The following RAD51B variants were observed in gnomAD, a reference collection of about 807,000 sequenced individuals.
RAD51B encodes the protein DNA repair protein RAD51 homolog 2.
A neutral mutation model predicts 42.2 loss-of-function variants in RAD51B; 38 were observed. The ratio of observed to expected loss-of-function variants is 0.90; its 90% confidence interval spans 0.70 to 1.18. RAD51B has a LOEUF of 1.18. Among genes scored for constraint, RAD51B ranks in the 50% most tolerant of loss-of-function variants. The probability of loss-of-function intolerance (pLI) is 0.00; values close to 1 mark genes in which losing one functional copy is unlikely to be tolerated. For missense variants in RAD51B, 373 were observed against 400.7 expected, an observed-to-expected ratio of 0.93 and a Z score of 0.59; for synonymous variants, 154 against 145.2, an observed-to-expected ratio of 1.06 and a Z score of -0.43.
intron 7 of RAD51B, among the ~76,000 whole-genome samples, chr14:68,276,203 A>G (rs2081220767): frequency 6.6e-6 from 1 of 152,164 alleles, no homozygotes; most frequent in Non-Finnish European, 1.5e-5. Flanking sequence ...AAATTATCAT[A>G]ATATAGGGGC....
rs760807596 is a variant in RAD51B at position 68,568,933 on chromosome 14, A to G, written c.1037-25552A>G. Among the ~76,000 whole-genome samples the G allele has an allele frequency of 2.6e-5, 4 of 152,056 alleles. No homozygotes were observed. In the South Asian group the frequency reaches 8.3e-4, roughly 32 times the overall value. The stretch of plus-strand genomic sequence containing the variant: ...CCCCCTGCATGGCTTCCTCTCCCCA[A>G]CCCAGTTGCTAAGTGGTCATTGGCC... On this transcript the variant is annotated intron_variant, in intron 10 of 10. Coordinates refer to the RAD51B transcript ENST00000487270.
At chr14:68,057,397 A>G (rs891169112) in intron 7 of RAD51B, among the ~76,000 whole-genome samples, 2 of 152,254 alleles carry the variant, frequency 1.3e-5, no homozygotes, top group African/African-American at 4.8e-5. Context: ...GTGCTTTTAA[A>G]TGCCAGTTGC....
Position 68,650,669 on chromosome 14 carries a change from T to C in RAD51B, c.1037-112T>C, listed in dbSNP as rs908097396. On this transcript the variant is annotated intron_variant, in intron 10 of 11. Coordinates refer to the RAD51B transcript ENST00000488612. The stretch of plus-strand genomic sequence containing the variant: ...AAAGTAGCATCTAATTCAAAACAAC[T>C]AGTTTCTCAGAGGGCTGGATGGCCT... 19 of 631,474 alleles carry C rather than the reference T, an allele frequency of 3.0e-5. No individual in the cohort carries two copies. In the Admixed American group the frequency reaches 4.8e-4, roughly 16 times the overall value. 39.1% of individuals were successfully genotyped at this position (631,474 alleles called of 1,614,324 possible). A position where few individuals can be genotyped will look rare whatever the true frequency, so the allele number is the denominator to read the frequency against.
At chr14:68,085,232 C>A (rs140142600) in intron 7 of RAD51B, among the ~76,000 whole-genome samples, 64 of 152,214 alleles carry the variant, frequency 4.2e-4, no homozygotes, top group Non-Finnish European at 5.9e-5. Context: ...CCTTATTGTA[C>A]CTCCTGTTCT....
intron 7 of RAD51B, among the ~76,000 whole-genome samples, chr14:68,153,807 G>A (rs1486431209): frequency 6.6e-6 from 1 of 152,052 alleles, no homozygotes; most frequent in Non-Finnish European, 1.5e-5. Flanking sequence ...CCCTAATTGG[G>A]CAAATAGACT....
chr14:68,422,575 A>AAG (rs1188781168), intron 9 of RAD51B, among the ~76,000 whole-genome samples: 1 of 151,506 alleles, frequency 6.6e-6, no homozygotes, highest in Admixed American at 6.6e-5. Flanking sequence ...AAAAAAAAAA[A>AAG]AAATTAGGGG....
At chr14:68,392,745 C>T (rs1438891562) in intron 8 of RAD51B, among the ~76,000 whole-genome samples, 5 of 152,180 alleles carry the variant, frequency 3.3e-5, no homozygotes, top group East Asian at 1.9e-4. Context: ...CACTGAGATT[C>T]GGAGGTAAAG....
intron 7 of RAD51B, among the ~76,000 whole-genome samples, chr14:68,089,613 G>T (rs1383094484): frequency 2.0e-5 from 3 of 152,152 alleles, no homozygotes; most frequent in African/African-American, 7.2e-5. Flanking sequence ...CAATCTGCCT[G>T]GGCCTCTCAA....
At position 68,101,564 on chromosome 14, in the gene RAD51B, G is replaced by A. The variant is rs557529975; in HGVS notation, c.757-190320G>A. On this transcript the variant is annotated intron_variant, in intron 7 of 10. Transcript: ENST00000471583. The stretch of plus-strand genomic sequence containing the variant: ...TAAGACAGTCAAATCTTAAAGTTCC[G>A]AAATGATCTCCTTTGACTCCGTGTC... 9.2e-5 allele frequency among the ~76,000 whole-genome samples: 14 copies of A among 152,344 alleles called. No homozygotes were observed. The South Asian group carries it at 1.7e-3, about 18-fold the overall frequency.
intron 7 of RAD51B, among the ~76,000 whole-genome samples, chr14:68,274,029 CT>C (rs2081173521): frequency 6.6e-6 from 1 of 152,090 alleles, no homozygotes; most frequent in Admixed American, 6.6e-5. Flanking sequence ...CCCCACTCTC[CT>C]TTGCTTCTTA....
chr14:68,410,946 G>GA (rs1056304911), intron 8 of RAD51B, among the ~76,000 whole-genome samples: 38 of 151,950 alleles, frequency 2.5e-4, no homozygotes, highest in Admixed American at 1.7e-3. Flanking sequence ...GTATACGGGG[G>GA]GGTGGGAGGA....
chr14:68,314,357 C>G (rs2082017523), intron 8 of RAD51B, among the ~76,000 whole-genome samples: 2 of 152,138 alleles, frequency 1.3e-5, no homozygotes, highest in Non-Finnish European at 2.9e-5. Flanking sequence ...AAGGCATGAG[C>G]TAGCCAAAGA....
chr14:67,899,450 A>G (rs1305587194), intron 7 of RAD51B, among the ~76,000 whole-genome samples: 1 of 152,186 alleles, frequency 6.6e-6, no homozygotes, highest in Non-Finnish European at 1.5e-5. Flanking sequence ...GGCTATTTTG[A>G]TGGTTATAGG....
At chr14:68,606,885 G>A (rs1216358684) in intron 10 of RAD51B, among the ~76,000 whole-genome samples, 2 of 152,152 alleles carry the variant, frequency 1.3e-5, no homozygotes, top group South Asian at 2.1e-4. Context: ...GTTTTCCTAC[G>A]CATAAGATGA....
At chr14:68,340,467 G>A (rs1456225701) in intron 8 of RAD51B, among the ~76,000 whole-genome samples, 1 of 152,172 alleles carries the variant, frequency 6.6e-6, no homozygotes, top group African/African-American at 2.4e-5. Context: ...CTCTTTTGGA[G>A]GGCTGCTACC....
chr14:68,294,036 C>T (rs1351505883), intron 8 of RAD51B, among the ~76,000 whole-genome samples: 1 of 152,202 alleles, frequency 6.6e-6, no homozygotes, highest in Admixed American at 6.5e-5. Context: ...CACATATACA[C>T]ACACACTTAA....
chr14:67,882,395 G>T (rs531426899), intron 5 of RAD51B, among the ~76,000 whole-genome samples: 5 of 152,290 alleles, frequency 3.3e-5, no homozygotes, highest in Admixed American at 2.6e-4. Flanking sequence ...GGGAATCCCA[G>T]AACTCAGTCC....
At chr14:67,874,243 C>T (rs1220332037) in intron 5 of RAD51B, among the ~76,000 whole-genome samples, 5 of 152,104 alleles carry the variant, frequency 3.3e-5, no homozygotes, top group Non-Finnish European at 7.4e-5. Flanking sequence ...AGATAGTAAT[C>T]TAAAATAGTT....
At chr14:68,352,785 G>T (rs2082816684) in intron 8 of RAD51B, among the ~76,000 whole-genome samples, 2 of 152,180 alleles carry the variant, frequency 1.3e-5, no homozygotes, top group Non-Finnish European at 2.9e-5. Flanking sequence ...ATTCCCTGAG[G>T]TTCTTCTAAG....
Sources: allele counts gnomAD v4.1 joint callset (sites outside exome capture counted in the v4.1 genomes callset), GRCh38; gene constraint gnomAD v4.1.1; transcripts MANE v1.5; gene names NCBI Gene and HGNC (gene_info 2026-07-23, HGNC 2026-07-21).